PATJ: variants seen among roughly 807,000 people sequenced by gnomAD.
PATJ encodes inaD-like protein.
Under a neutral mutation model 224.9 loss-of-function variants are expected in PATJ, and 190 were observed. The observed-to-expected ratio is 0.84, with a 90% confidence interval of 0.75 to 0.95. The LOEUF is 0.95. PATJ is among the 40% of genes least tolerant of loss of function. The pLI is 0.00. For missense variants in PATJ, 2,121 were observed against 2,270.3 expected, an observed-to-expected ratio of 0.93 and a Z score of 1.34; for synonymous variants, 769 against 820.3, an observed-to-expected ratio of 0.94 and a Z score of 1.07.
intron 27 of PATJ, among the ~76,000 whole-genome samples, chr1:61,969,132 G>T (rs1682586980): frequency 6.6e-6 from 1 of 152,144 alleles, no homozygotes; most frequent in South Asian, 2.1e-4. Flanking sequence ...TTCATCTGAT[G>T]GTTGACCTTT....
intron 10 of PATJ, among the ~76,000 whole-genome samples, chr1:61,796,716 TTC>T (rs1248840968): frequency 0.24 from 8,244 of 34,550 alleles, 326 homozygotes; most frequent in Non-Finnish European, 0.33. Context: ...CTTTCTTTCT[TTC>T]TTTCTTTTTC....
intron 43 of PATJ, among the ~76,000 whole-genome samples, chr1:62,153,837 G>C (rs935298379): frequency 5.3e-5 from 8 of 152,156 alleles, no homozygotes; most frequent in Non-Finnish European, 1.2e-4. Context: ...CTTTCTTCTT[G>C]AAAATAACAG....
At chr1:61,864,736 C>T (rs1037582698) in intron 20 of PATJ, 103 bp downstream of exon 20, 1 of 1,056,530 alleles carries the variant, frequency 9.5e-7, no homozygotes, top group African/African-American at 1.6e-5. Flanking sequence ...TTAAATGGGC[C>T]TTTCCGTAAG....
intron 28 of PATJ, among the ~76,000 whole-genome samples, chr1:61,994,710 A>G (rs1310418510): frequency 6.6e-6 from 1 of 152,122 alleles, no homozygotes; most frequent in Non-Finnish European, 1.5e-5. Context: ...GCATGCCACC[A>G]CGCCTGGCTA....
intron 20 of PATJ, among the ~76,000 whole-genome samples, chr1:61,867,214 G>C (rs1019641845): frequency 2.0e-5 from 3 of 152,166 alleles, no homozygotes; most frequent in Non-Finnish European, 4.4e-5. Flanking sequence ...AGTTGCTCTG[G>C]TTCCAGCACC....
intron 33 of PATJ, among the ~76,000 whole-genome samples, chr1:62,085,256 G>A (rs1475084669): frequency 6.6e-6 from 1 of 152,044 alleles, no homozygotes; most frequent in Non-Finnish European, 1.5e-5. Context: ...GGAGGCTGAG[G>A]TGGGAGATTC....
chr1:62,158,681 A>G (rs926930148), intron 43 of PATJ, among the ~76,000 whole-genome samples: 2 of 141,144 alleles, frequency 1.4e-5, no homozygotes, highest in African/African-American at 5.2e-5. Flanking sequence ...AGATTGCACC[A>G]CTGCATTCCA....
intron 1 of PATJ, among the ~76,000 whole-genome samples, chr1:61,762,022 C>G (rs1473185144): frequency 1.3e-5 from 2 of 152,132 alleles, no homozygotes; most frequent in Non-Finnish European, 2.9e-5. Flanking sequence ...CTGCTATCTT[C>G]TGGGTATAGA....
chr1:61,998,373 T>C (rs1645545618), intron 28 of PATJ, among the ~76,000 whole-genome samples: 1 of 151,720 alleles, frequency 6.6e-6, no homozygotes, highest in South Asian at 2.1e-4. Flanking sequence ...CGTGAGCCAC[T>C]GCGCCTAGCC....
At chr1:61,748,722 A>G (rs970751061) in intron 1 of PATJ, among the ~76,000 whole-genome samples, 29 of 151,924 alleles carry the variant, frequency 1.9e-4, no homozygotes, top group African/African-American at 6.3e-4. Flanking sequence ...TTGCAGTGCC[A>G]TGATCATGGT....
At chr1:61,758,755 G>A (rs752601883) in intron 1 of PATJ, among the ~76,000 whole-genome samples, 29 of 149,200 alleles carry the variant, frequency 1.9e-4, no homozygotes, top group Non-Finnish European at 2.7e-4. Flanking sequence ...TCTGTTGTGG[G>A]AATCTCTAGT....
At chr1:61,869,486 G>T (rs559889681) in intron 20 of PATJ, among the ~76,000 whole-genome samples, 17 of 152,082 alleles carry the variant, frequency 1.1e-4, no homozygotes, top group African/African-American at 4.1e-4. Context: ...TCTTCCTGGG[G>T]GTCGACCCAC....
chr1:62,087,290 G>A (rs1427628332), intron 33 of PATJ, among the ~76,000 whole-genome samples: 1 of 151,896 alleles, frequency 6.6e-6, no homozygotes, highest in Admixed American at 6.6e-5. Flanking sequence ...CCAAAGTCCA[G>A]CCATCCCTCT....
At chr1:61,918,827 G>T (rs1031934445) in intron 26 of PATJ, among the ~76,000 whole-genome samples, 1 of 152,010 alleles carries the variant, frequency 6.6e-6, no homozygotes, top group Non-Finnish European at 1.5e-5. Context: ...GCTGGGTGTG[G>T]TGGTGTGCAC....
At position 61,901,477 on chromosome 1, in the gene PATJ, AC is replaced by A; in HGVS notation, c.3381+19del. On this transcript the variant is annotated intron_variant, in intron 24 of 43. Coordinates refer to ENST00000642238, the MANE Select transcript of PATJ (RefSeq NM_001350145.3). Reference sequence around the variant, plus strand: ...TACTTGAGGTAAATGATGTTAAAGTACTGTTTTTATTGGAAACATACGGTAA... The same window carrying A: ...TACTTGAGGTAAATGATGTTAAAGTATGTTTTTATTGGAAACATACGGTAA... The A allele has an allele frequency of 6.5e-7, 1 of 1,530,868 alleles. No homozygotes were observed. The highest frequency in any genetic ancestry group is 1.4e-5 in the African/African-American group (1 of 70,778). 94.8% of individuals were successfully genotyped at this position (1,530,868 alleles called of 1,614,324 possible). A position where few individuals can be genotyped will look rare whatever the true frequency, so the allele number is the denominator to read the frequency against.
At chr1:62,042,590 T>C (rs1651721632) in intron 30 of PATJ, among the ~76,000 whole-genome samples, 1 of 152,184 alleles carries the variant, frequency 6.6e-6, no homozygotes, top group African/African-American at 2.4e-5. Flanking sequence ...AGTAGCAGTT[T>C]TATTATATGT....
intron 27 of PATJ, among the ~76,000 whole-genome samples, chr1:61,965,121 C>CAAAAAAAAAAAAAAAAAAAAAAAAA (rs34267345): frequency 1.5e-4 from 8 of 54,382 alleles, no homozygotes; most frequent in Admixed American, 2.7e-4. Flanking sequence ...GACTCTGTCT[C>CAAAAAAAAAAAAAAAAAAAAAAAAA]AAAAAAAAAA....
intron 19 of PATJ, among the ~76,000 whole-genome samples, chr1:61,863,032 T>TG (rs202106760): frequency 0.086 from 11,323 of 132,226 alleles, 760 homozygotes; most frequent in South Asian, 0.11. Context: ...TTTCAGTTTT[T>TG]TTTTTTTTTT....
At chr1:62,118,584 G>T (rs1172586823) in intron 37 of PATJ, among the ~76,000 whole-genome samples, 2 of 152,050 alleles carry the variant, frequency 1.3e-5, no homozygotes, top group Non-Finnish European at 2.9e-5. Flanking sequence ...GGATAGAAAT[G>T]GATTTCTGTC....
Sources: gnomAD v4.1 joint callset for allele counts (sites outside exome capture counted in the v4.1 genomes callset) on GRCh38, gnomAD v4.1.1 for gene constraint, MANE v1.5 for transcripts, NCBI Gene and HGNC (gene_info 2026-07-23, HGNC 2026-07-21) for gene names.